ADAMTSL1: variants seen among roughly 807,000 people sequenced by gnomAD.
The protein encoded by ADAMTSL1 is ADAMTS-like protein 1.
Under a neutral mutation model 201.8 loss-of-function variants are expected in ADAMTSL1, and 126 were observed. The ratio of observed to expected loss-of-function variants is 0.62; its 90% CI spans 0.54 to 0.72. The LOEUF is 0.72. ADAMTSL1 is among the 30% of genes least tolerant of loss of function. The pLI is 0.00. For missense variants in ADAMTSL1, 2,679 were observed against 2,277.8 expected, an observed-to-expected ratio of 1.18 and a Z score of -3.59; for synonymous variants, 1,121 against 903.4, an observed-to-expected ratio of 1.24 and a Z score of -4.32.
At chr9:18,428,537 G>A (rs1402416955) in intron 2 of ADAMTSL1, among the ~76,000 whole-genome samples, 1 of 151,958 alleles carries the variant, frequency 6.6e-6, no homozygotes, top group Non-Finnish European at 1.5e-5. Flanking sequence ...GGAGAATTGT[G>A]TGAGTCCAGG....
chr9:18,411,983 T>G (rs988890187), intron 2 of ADAMTSL1, among the ~76,000 whole-genome samples: 1 of 152,202 alleles, frequency 6.6e-6, no homozygotes, highest in Non-Finnish European at 1.5e-5. Flanking sequence ...GCACATCACA[T>G]TTAGGTCTCT....
chr9:18,878,937 A>G (rs1828348470), intron 23 of ADAMTSL1, among the ~76,000 whole-genome samples: 1 of 152,206 alleles, frequency 6.6e-6, no homozygotes, highest in Admixed American at 6.5e-5. Flanking sequence ...AGAGGGCACA[A>G]TAAGGCAGCC....
chr9:18,180,499 C>T (rs2132172974), intron 2 of ADAMTSL1, among the ~76,000 whole-genome samples: 1 of 144,218 alleles, frequency 6.9e-6, no homozygotes, highest in Admixed American at 7.1e-5. Context: ...CGCCACTGCA[C>T]TCCAGCCTGG....
intron 23 of ADAMTSL1, among the ~76,000 whole-genome samples, chr9:18,867,419 C>G (rs368668650): frequency 1.3e-5 from 2 of 152,174 alleles, no homozygotes; most frequent in Non-Finnish European, 2.9e-5. Flanking sequence ...GACACAGAGT[C>G]ATTCCTGATG....
At chr9:18,561,163 G>A (rs144512555) in intron 3 of ADAMTSL1, among the ~76,000 whole-genome samples, 2,937 of 152,154 alleles carry the variant, frequency 0.019, 82 homozygotes, top group African/African-American at 0.061. Context: ...TCTCCTGTGG[G>A]CATTTAGTGC....
intron 2 of ADAMTSL1, among the ~76,000 whole-genome samples, chr9:18,245,884 G>A (rs751474172): frequency 1.2e-4 from 18 of 151,958 alleles, no homozygotes; most frequent in Non-Finnish European, 1.6e-4. Flanking sequence ...TCAATTAGCC[G>A]CCACCTTAGA....
intron 4 of ADAMTSL1, among the ~76,000 whole-genome samples, chr9:18,599,222 A>G (rs1053514582): frequency 3.9e-5 from 6 of 152,178 alleles, no homozygotes; most frequent in Non-Finnish European, 8.8e-5. Flanking sequence ...GGATGAAAGG[A>G]TTTGTTTTTT....
chr9:17,999,728 G>A (rs2383061), intron 1 of ADAMTSL1, among the ~76,000 whole-genome samples: 45,359 of 146,188 alleles, frequency 0.31, 7,403 homozygotes, highest in African/African-American at 0.4. Flanking sequence ...AGCATTAGGT[G>A]TATCTCCCAA....
chr9:18,725,234 T>C (rs935229637), intron 15 of ADAMTSL1, among the ~76,000 whole-genome samples: 2 of 152,164 alleles, frequency 1.3e-5, no homozygotes, highest in Admixed American at 1.3e-4. Flanking sequence ...TTATCATGTA[T>C]GTATGGCAAA....
Position 18,639,279 on chromosome 9 carries a change from G to T in ADAMTSL1, c.702G>T (p.Gly234=), listed in dbSNP as rs781322020. Reference sequence around the variant, plus strand: ...ATCTGGAAACCAAAACCCTCCAGGGGACTAAAGGTGAAAACAGTCTCAGCT... The same window carrying T: ...ATCTGGAAACCAAAACCCTCCAGGGTACTAAAGGTGAAAACAGTCTCAGCT... The part of the protein sequence containing the change: ...HLYLETKTLQ[G]TKGENSLSST... The change falls in exon 7 of 29, where the codon GGG becomes GGT. Residue 234 remains glycine (G), a synonymous_variant. Transcript: ENST00000380548. 5 of 1,612,764 alleles carry T rather than the reference G, an allele frequency of 3.1e-6. No homozygotes were observed. Among genetic ancestry groups the T allele is most frequent in the East Asian group, 2.2e-5 (1 of 44,852 alleles).
chr9:18,461,578 C>A (rs1820808289), intron 2 of ADAMTSL1, among the ~76,000 whole-genome samples: 1 of 152,018 alleles, frequency 6.6e-6, no homozygotes, highest in African/African-American at 2.4e-5. Context: ...ATTTAATCTA[C>A]CTAACCTCTT....
chr9:17,960,910 C>T (rs1817725506), intron 1 of ADAMTSL1, among the ~76,000 whole-genome samples: 1 of 152,152 alleles, frequency 6.6e-6, no homozygotes, highest in Non-Finnish European at 1.5e-5. Flanking sequence ...ATTTTTCCTT[C>T]CTTATCCTAA....
At chr9:18,904,576 G>A (rs55653217) in intron 26 of ADAMTSL1, among the ~76,000 whole-genome samples, 66,710 of 140,610 alleles carry the variant, frequency 0.47, 15,934 homozygotes, top group African/African-American at 0.58. Context: ...GAAGGCTGCA[G>A]TGAGCTGAGA....
intron 1 of ADAMTSL1, among the ~76,000 whole-genome samples, chr9:17,970,077 CTA>C (rs1196920974): frequency 6.6e-6 from 1 of 152,040 alleles, no homozygotes; most frequent in Non-Finnish European, 1.5e-5. Flanking sequence ...GATGCCTGCT[CTA>C]TGTTTCTAAT....
intron 2 of ADAMTSL1, among the ~76,000 whole-genome samples, chr9:18,316,717 G>A (rs768676272): frequency 1.1e-4 from 16 of 151,950 alleles, no homozygotes; most frequent in Non-Finnish European, 2.1e-4. Context: ...GTCCTGAGGC[G>A]ACATACATCC....
intron 20 of ADAMTSL1, among the ~76,000 whole-genome samples, chr9:18,808,982 T>C (rs888178805): frequency 1.6e-5 from 2 of 126,970 alleles, no homozygotes; most frequent in Non-Finnish European, 3.5e-5. Flanking sequence ...GCACACCATA[T>C]AAACACATAT....
chr9:18,879,399 T>C (rs1828383143), intron 23 of ADAMTSL1, among the ~76,000 whole-genome samples: 1 of 152,226 alleles, frequency 6.6e-6, no homozygotes, highest in Non-Finnish European at 1.5e-5. Flanking sequence ...TTAAAATTTT[T>C]CCACAAAACT....
At chr9:18,136,791 A>C (rs1826176657) in intron 1 of ADAMTSL1, among the ~76,000 whole-genome samples, 1 of 152,106 alleles carries the variant, frequency 6.6e-6, no homozygotes, top group African/African-American at 2.4e-5. Flanking sequence ...AAGGAGTAAG[A>C]CCTTATTGCT....
chr9:18,439,513 CGCG>C (rs1386694226), intron 2 of ADAMTSL1, among the ~76,000 whole-genome samples: 2 of 151,942 alleles, frequency 1.3e-5, no homozygotes, highest in Non-Finnish European at 2.9e-5. Flanking sequence ...ATTACAGGTG[CGCG>C]CCACCACACC....
Sources: allele counts gnomAD v4.1 joint callset (sites outside exome capture counted in the v4.1 genomes callset), GRCh38; gene constraint gnomAD v4.1.1; transcripts MANE v1.5; gene names NCBI Gene and HGNC (gene_info 2026-07-23, HGNC 2026-07-21).